The following PPP6R3 variants were observed in gnomAD, a reference collection of about 807,000 sequenced individuals.
PPP6R3 encodes serine/threonine-protein phosphatase 6 regulatory subunit 3.
In PPP6R3, 38 loss-of-function variants were observed where a neutral mutation model predicts 110.7. That is an observed-to-expected ratio of 0.34 (90% CI 0.26 to 0.45). PPP6R3 has a LOEUF of 0.45. Ranked by LOEUF, PPP6R3 falls within the 20% of genes least tolerant of loss-of-function variation. The pLI is 1.00. For synonymous variants in PPP6R3, 369 were observed against 373.5 expected, an observed-to-expected ratio of 0.99 and a Z score of 0.14; for missense variants, 870 against 1,062.4, an observed-to-expected ratio of 0.82 and a Z score of 2.52.
intron 1 of PPP6R3, among the ~76,000 whole-genome samples, chr11:68,498,360 C>G (rs1221318699): frequency 6.6e-6 from 1 of 152,132 alleles, no homozygotes; most frequent in Non-Finnish European, 1.5e-5. Flanking sequence ...CTTAACTTCC[C>G]CATTTCCCAC....
At chr11:68,577,697 C>T (rs2099537298) in intron 14 of PPP6R3, among the ~76,000 whole-genome samples, 1 of 152,146 alleles carries the variant, frequency 6.6e-6, no homozygotes, top group African/African-American at 2.4e-5. Context: ...AATGTTACTA[C>T]ATATATCCCC....
At chr11:68,474,869 C>G (rs918955026) in intron 1 of PPP6R3, among the ~76,000 whole-genome samples, 1 of 151,856 alleles carries the variant, frequency 6.6e-6, no homozygotes, top group Non-Finnish European at 1.5e-5. Context: ...TTTTGCATCT[C>G]TATCATATTT....
intron 23 of PPP6R3, among the ~76,000 whole-genome samples, chr11:68,611,129 T>C (rs572968900): frequency 1.3e-5 from 2 of 152,380 alleles, no homozygotes; most frequent in African/African-American, 2.4e-5. Context: ...ACTGGGAAGC[T>C]GCCTCAACTC....
At chr11:68,477,761 T>C (rs977034220) in intron 1 of PPP6R3, among the ~76,000 whole-genome samples, 5 of 140,588 alleles carry the variant, frequency 3.6e-5, no homozygotes, top group African/African-American at 1.3e-4. Context: ...TATATATATA[T>C]ATATATATAT....
At chr11:68,494,428 AAAAAAG>A (rs2099003867) in intron 1 of PPP6R3, among the ~76,000 whole-genome samples, 1 of 150,970 alleles carries the variant, frequency 6.6e-6, no homozygotes, top group Non-Finnish European at 1.5e-5. Flanking sequence ...AAAAAAAAAA[AAAAAAG>A]CTGGTACCTA....
intron 2 of PPP6R3, among the ~76,000 whole-genome samples, chr11:68,534,288 C>T (rs1294176689): frequency 6.6e-6 from 1 of 152,166 alleles, no homozygotes; most frequent in Non-Finnish European, 1.5e-5. Context: ...GGACACTACA[C>T]TTTTCTGCAA....
intron 1 of PPP6R3, among the ~76,000 whole-genome samples, chr11:68,498,634 T>C (rs1028506474): frequency 6.6e-6 from 1 of 152,230 alleles, no homozygotes; most frequent in African/African-American, 2.4e-5. Flanking sequence ...CTCTTGGCAT[T>C]GTTTGTAAAA....
At chr11:68,603,965 CA>C (rs1470765221) in intron 22 of PPP6R3, among the ~76,000 whole-genome samples, 1 of 151,916 alleles carries the variant, frequency 6.6e-6, no homozygotes, top group Non-Finnish European at 1.5e-5. Context: ...CTTCTAAACT[CA>C]AAAAAGGAAT....
chr11:68,573,151 TATA>T (rs1458185021), intron 12 of PPP6R3, among the ~76,000 whole-genome samples: 11 of 111,974 alleles, frequency 9.8e-5, no homozygotes, highest in Non-Finnish European at 2.1e-4. Context: ...TATATATATA[TATA>T]ATTTTTTTTT....
intron 10 of PPP6R3, among the ~76,000 whole-genome samples, chr11:68,569,137 A>T (rs974799529): frequency 6.6e-6 from 1 of 152,150 alleles, no homozygotes; most frequent in African/African-American, 2.4e-5. Context: ...GAGAAAAAAG[A>T]TACTCCCTTT....
chr11:68,468,545 T>C (rs1254466178), intron 1 of PPP6R3, among the ~76,000 whole-genome samples: 2 of 152,296 alleles, frequency 1.3e-5, no homozygotes, highest in South Asian at 4.1e-4. Flanking sequence ...GTAACAAAAG[T>C]ACAGAAACAC....
intron 15 of PPP6R3, chr11:68,586,975 G>GA (rs1306610362): frequency 1.3e-5 from 2 of 152,266 alleles, no homozygotes. Context: ...CTCACCCACA[G>GA]AAAACGGCAG....
intron 1 of PPP6R3, among the ~76,000 whole-genome samples, chr11:68,501,972 A>G (rs1338686534): frequency 1.3e-5 from 2 of 152,174 alleles, no homozygotes; most frequent in East Asian, 1.9e-4. Flanking sequence ...TTATAATGGA[A>G]TGGTGTTATT....
chr11:68,573,155 A>ATAATT (rs1565936429), intron 12 of PPP6R3, among the ~76,000 whole-genome samples: 1 of 29,580 alleles, frequency 3.4e-5, no homozygotes, highest in East Asian at 1.0e-3. Context: ...TATATATATA[A>ATAATT]TTTTTTTTTT....
intron 3 of PPP6R3, among the ~76,000 whole-genome samples, chr11:68,540,906 A>G (rs1418885831): frequency 6.6e-6 from 1 of 152,168 alleles, no homozygotes; most frequent in Non-Finnish European, 1.5e-5. Context: ...TAAGATGCTC[A>G]GATTTCATAT....
At chr11:68,593,176 A>C (rs961489532) in intron 18 of PPP6R3, among the ~76,000 whole-genome samples, 1 of 150,784 alleles carries the variant, frequency 6.6e-6, no homozygotes, top group African/African-American at 2.5e-5. Context: ...GATCTTTTGT[A>C]ATACCTTCCT....
Position 68,613,259 on chromosome 11 carries a change from A to C in PPP6R3, c.*142A>C. 2.8e-6 allele frequency: 4 copies of C among 1,420,944 alleles called. No individual in the cohort carries two copies. The highest frequency in any genetic ancestry group is 2.9e-5 in the African/African-American group (2 of 69,056). The allele number at this position is 1,420,944 out of a possible 1,614,324, so 88.0% of individuals were successfully genotyped here. On this transcript the variant is annotated 3_prime_UTR_variant, in exon 24 of 24. Coordinates refer to ENST00000393800, the MANE Select transcript of PPP6R3 (RefSeq NM_001164161.2). Reference sequence around the variant, plus strand: ...AGGACCAGCAACCTTTATATTCTAGATTCTAAGACATTGTACAGAGAAATT... The same window carrying C: ...AGGACCAGCAACCTTTATATTCTAGCTTCTAAGACATTGTACAGAGAAATT...
At chr11:68,550,268 G>A (rs773529279) in intron 5 of PPP6R3, among the ~76,000 whole-genome samples, 1 of 152,136 alleles carries the variant, frequency 6.6e-6, no homozygotes, top group East Asian at 1.9e-4. Flanking sequence ...TGGTGTTTTC[G>A]TTGAGCAGCC....
chr11:68,482,983 T>G (rs892626115), intron 1 of PPP6R3, among the ~76,000 whole-genome samples: 9 of 152,218 alleles, frequency 5.9e-5, no homozygotes, highest in African/African-American at 2.2e-4. Context: ...TTATAGCCAT[T>G]TCCCATATCA....
Sources: allele counts gnomAD v4.1 joint callset (sites outside exome capture counted in the v4.1 genomes callset), GRCh38; gene constraint gnomAD v4.1.1; transcripts MANE v1.5; gene names NCBI Gene and HGNC (gene_info 2026-07-23, HGNC 2026-07-21).